The following DNAL4 variants were observed in gnomAD, a reference collection of about 807,000 sequenced individuals.
DNAL4 encodes the protein dynein light chain, outer arm 4.
Under a neutral mutation model 12.6 loss-of-function variants are expected in DNAL4, and 10 were observed. The ratio of observed to expected loss-of-function variants is 0.79; its 90% CI spans 0.49 to 1.34. The LOEUF (loss-of-function observed/expected upper bound fraction) is 1.34. DNAL4 is among the 40% of genes most tolerant of loss of function. The probability of loss-of-function intolerance (pLI) is 0.00; values close to 1 mark genes in which losing one functional copy is unlikely to be tolerated. For missense variants in DNAL4, 128 were observed against 138.1 expected (o/e 0.93, Z 0.37); for synonymous variants, 46 against 53.1 (o/e 0.87, Z 0.58).
Position 38,779,197 on chromosome 22 carries a change from C to T in DNAL4, c.*252G>A, listed in dbSNP as rs1268046369. ...TCCTCTACCCTGTCACACCGCCCCA[C>T]CCCACGTCTCCCACACAGACCCATG... is the stretch of plus-strand genomic sequence containing the variant. On this transcript the variant is annotated 3_prime_UTR_variant, in exon 4 of 4. Coordinates refer to ENST00000216068, the MANE Select transcript of DNAL4 (RefSeq NM_005740.3). The surrounding 1 kb of genome is among the most constrained non-coding windows in gnomAD (Gnocchi z 4.3). The T allele has an allele frequency of 1.3e-5, 5 of 375,356 alleles. No homozygotes were observed. Among genetic ancestry groups the T allele is most frequent in the Non-Finnish European group, 1.9e-5 (4 of 209,028 alleles). 23.3% of individuals were successfully genotyped at this position (375,356 alleles called of 1,614,324 possible).
chr22:38,793,254 G>C (rs1317835057), intron 1 of DNAL4, among the ~76,000 whole-genome samples: 4 of 152,152 alleles, frequency 2.6e-5, no homozygotes, highest in Non-Finnish European at 5.9e-5. Flanking sequence ...GACAGTTCAT[G>C]CTGACCGGGT....
Position 38,779,301 on chromosome 22 carries a change from T to A in DNAL4, c.*148A>T. ...GGATGGAGATGTCAAGTTCACACACTGGGCGTGGCTCAGGAAACTGGTACA... is the reference window on the plus strand; with the variant it reads ...GGATGGAGATGTCAAGTTCACACACAGGGCGTGGCTCAGGAAACTGGTACA... On this transcript the variant is annotated 3_prime_UTR_variant, in exon 4 of 4. Coordinates refer to ENST00000216068, the MANE Select transcript of DNAL4 (RefSeq NM_005740.3). This position sits in a 1 kb window ranked among gnomAD's most constrained non-coding sequence, Gnocchi z 4.3. 9.5e-7 allele frequency: 1 copy of A among 1,056,390 alleles called. No homozygotes were observed. The highest frequency in any genetic ancestry group is 1.6e-5 in the African/African-American group (1 of 62,474). 65.4% of individuals were successfully genotyped at this position (1,056,390 alleles called of 1,614,324 possible). A position where few individuals can be genotyped will look rare whatever the true frequency, so the allele number is the denominator to read the frequency against.
intron 1 of DNAL4, among the ~76,000 whole-genome samples, chr22:38,784,362 C>G (rs558804606): frequency 3.5e-4 from 53 of 152,262 alleles, no homozygotes; most frequent in African/African-American, 1.1e-3. Context: ...GGCATGGGCA[C>G]TCCTGACCCC....
chr22:38,789,004 T>G (rs551276912), intron 1 of DNAL4, among the ~76,000 whole-genome samples: 1 of 152,300 alleles, frequency 6.6e-6, no homozygotes, highest in African/African-American at 2.4e-5. Flanking sequence ...TGCAATTAAC[T>G]TATATTTCAT....
At chr22:38,785,275 G>A (rs768275301) in intron 1 of DNAL4, 2 of 152,238 alleles carry the variant, frequency 1.3e-5, no homozygotes, top group Non-Finnish European at 2.9e-5. Context: ...AGGTGTGACA[G>A]AGGTGGCGGC....
In DNAL4 at chr22:38,779,400, A is replaced by T; in HGVS notation, c.*49T>A. The T allele has an allele frequency of 6.5e-7, 1 of 1,535,480 alleles. No individual in the cohort carries two copies. The highest frequency in any genetic ancestry group is 2.4e-5 in the East Asian group (1 of 40,944). ...TGCCTAGGGCTGCTCCCCACCCCAG[A>T]TGAGTGGCAGGAAAAGGCCCTGCAG... On this transcript the variant is annotated 3_prime_UTR_variant, in exon 4 of 4. Coordinates refer to ENST00000216068, the MANE Select transcript of DNAL4 (RefSeq NM_005740.3). This position sits in a 1 kb window ranked among gnomAD's most constrained non-coding sequence, Gnocchi z 4.3.
At position 38,782,388 on chromosome 22, in the gene DNAL4, T is replaced by C. The variant is rs738145; in HGVS notation, c.69+275A>G. On this transcript the variant is annotated intron_variant, in intron 2 of 3. Transcript: ENST00000216068. The surrounding 1 kb of genome is among the most constrained non-coding windows in gnomAD (Gnocchi z 5.1). ...TGCCTACGATCATGTTCTTAAAACA[T>C]GTATTTCATGTGGGCCAGGCCTTCG... 0.41 allele frequency among the ~76,000 whole-genome samples: 62,237 copies of C among 152,206 alleles called. 15,017 individuals are homozygous for C. The highest frequency in any genetic ancestry group is 0.59 in the Admixed American group (8,962 of 15,288).
chr22:38,779,512 C>T lies in DNAL4; in HGVS notation c.255G>A (p.Val85=), dbSNP rs1457812316. ...CGAAGTACAGGTAGAGGAGGTTCTT[C>T]ACCTCGTGGGTGATCTCAAACCCAA... ...EGFGFEITHE[V]KNLLYLYFGG... The change falls in exon 4 of 4, where the codon GTG becomes GTA. Residue 85 remains valine (V), a synonymous_variant. Coordinates refer to ENST00000216068, the MANE Select transcript of DNAL4 (RefSeq NM_005740.3). The surrounding 1 kb of genome is among the most constrained non-coding windows in gnomAD (Gnocchi z 4.3). The T allele has an allele frequency of 1.5e-5, 24 of 1,582,008 alleles. No individual in the cohort carries two copies. Among genetic ancestry groups the T allele is most frequent in the Non-Finnish European group, 2.1e-5 (24 of 1,163,290 alleles).
intron 1 of DNAL4, among the ~76,000 whole-genome samples, chr22:38,783,157 T>C (rs1441755795): frequency 1.3e-5 from 2 of 152,070 alleles, no homozygotes; most frequent in Non-Finnish European, 2.9e-5. Context: ...AGTGAGCAAA[T>C]GCAGTTTCCC....
rs781762830 is a variant in DNAL4 at position 38,780,989 on chromosome 22, C to G, written c.90G>C (p.Glu30Asp). The change falls in exon 3 of 4, where the codon GAG (glutamate) becomes GAC (aspartate). Residue 30 changes from glutamate (E) to aspartate (D), a missense_variant. By Grantham distance (45) the Glu-to-Asp change is conservative (BLOSUM62 2). Coordinates refer to ENST00000216068, the MANE Select transcript of DNAL4 (RefSeq NM_005740.3). ...ATAGCTCCATGGTCTCCACGCGCAT[C>G]TCCTCTGGCATGTCCGAGTGCTAGA... ...PLVRHSDMPE[E>D]MRVETMELCV... 9.9e-6 allele frequency: 16 copies of G among 1,614,084 alleles called. No homozygotes were observed. In the Admixed American group the frequency reaches 2.7e-4, roughly 27 times the overall value.
intron 1 of DNAL4, among the ~76,000 whole-genome samples, chr22:38,792,534 C>T (rs1020602365): frequency 3.9e-5 from 6 of 152,198 alleles, no homozygotes; most frequent in South Asian, 2.1e-4. Flanking sequence ...CTGCCTGTGT[C>T]GGCCTCCCGA....
intron 1 of DNAL4, among the ~76,000 whole-genome samples, chr22:38,784,550 G>A (rs766146359): frequency 5.7e-5 from 8 of 141,434 alleles, no homozygotes; most frequent in East Asian, 2.0e-4. Flanking sequence ...TCACTCTGTC[G>A]CCCAGGCTGG....
At chr22:38,783,168 C>T (rs747523483) in intron 1 of DNAL4, among the ~76,000 whole-genome samples, 4 of 152,042 alleles carry the variant, frequency 2.6e-5, no homozygotes, top group Non-Finnish European at 5.9e-5. Flanking sequence ...GCAGTTTCCC[C>T]GCGTACCCAC....
chr22:38,781,353 C>T (rs1042422953), intron 2 of DNAL4, among the ~76,000 whole-genome samples: 19 of 152,360 alleles, frequency 1.2e-4, no homozygotes, highest in African/African-American at 3.8e-4. Flanking sequence ...CCGAAGAGGC[C>T]GCTGGGCGCT....
At chr22:38,780,113 C>A (rs1411318113) in intron 3 of DNAL4, among the ~76,000 whole-genome samples, 1 of 152,182 alleles carries the variant, frequency 6.6e-6, no homozygotes, top group African/African-American at 2.4e-5. Flanking sequence ...CCTGCTCTTT[C>A]AAGACGTGCC....
intron 1 of DNAL4, among the ~76,000 whole-genome samples, chr22:38,790,666 CAG>C (rs2093049198): frequency 1.3e-5 from 2 of 152,136 alleles, no homozygotes; most frequent in African/African-American, 4.8e-5. Flanking sequence ...TGCTTAATGA[CAG>C]GGGCATGTTC....
rs2093030744 is a variant in DNAL4, at chr22:38,779,427, G to A, written c.*22C>T. 1 of 1,556,566 alleles carries A rather than the reference G, an allele frequency of 6.4e-7. No individual in the cohort carries two copies. The highest frequency in any genetic ancestry group is 1.9e-5 in the Admixed American group (1 of 52,204). On this transcript the variant is annotated 3_prime_UTR_variant, in exon 4 of 4. Coordinates refer to ENST00000216068, the MANE Select transcript of DNAL4 (RefSeq NM_005740.3). This position sits in a 1 kb window ranked among gnomAD's most constrained non-coding sequence, Gnocchi z 4.3. ...GAGTGGCAGGAAAAGGCCCTGCAGG[G>A]GACGGGGCAGGGGACAGAGTGTCAG...
chr22:38,792,290 T>C (rs2093051901), intron 1 of DNAL4, among the ~76,000 whole-genome samples: 1 of 151,568 alleles, frequency 6.6e-6, no homozygotes, highest in Non-Finnish European at 1.5e-5. Context: ...TTTTTTACTT[T>C]TTTTTTTTTG....
intron 1 of DNAL4, among the ~76,000 whole-genome samples, chr22:38,790,220 G>A (rs994120168): frequency 9.9e-5 from 15 of 152,194 alleles, no homozygotes; most frequent in Admixed American, 3.3e-4. Flanking sequence ...CTGGTGACAT[G>A]GGTGGGCTGG....
Sources: gnomAD v4.1 joint callset for allele counts (sites outside exome capture counted in the v4.1 genomes callset) on GRCh38, gnomAD v4.1.1 for gene constraint, Gnocchi (gnomAD v3.1) non-coding constraint, MANE v1.5 for transcripts, NCBI Gene and HGNC (gene_info 2026-07-23, HGNC 2026-07-21) for gene names.